PIK3R6: variants seen among roughly 807,000 people sequenced by gnomAD.
PIK3R6 encodes the protein phosphoinositide 3-kinase regulatory subunit 6.
In PIK3R6, 91 loss-of-function variants were observed where a neutral mutation model predicts 84.9. The observed-to-expected ratio is 1.07, with a 90% CI of 0.90 to 1.28. PIK3R6 has a LOEUF of 1.28. PIK3R6 is among the 50% of genes most tolerant of loss of function. PIK3R6 has a pLI of 0.00. For synonymous variants in PIK3R6, 416 were observed against 411.4 expected, an observed-to-expected ratio of 1.01 and a Z score of -0.13; for missense variants, 996 against 985.1, an observed-to-expected ratio of 1.01 and a Z score of -0.15.
rs535464289 is a variant in PIK3R6 at position 8,827,161 on chromosome 17, C to G, written c.1515+11G>C. 1.2e-6 allele frequency: 2 copies of G among 1,612,170 alleles called. No homozygotes were observed. Among genetic ancestry groups the G allele is most frequent in the South Asian group, 2.2e-5 (2 of 90,564 alleles). ...CCTCTCTCCCTCCCTGGTACCCTCA[C>G]CCTCCCCTACCATCTCAGCCAGCTT... On this transcript the variant is annotated intron_variant, in intron 13 of 19. Transcript: ENST00000619866.
intron 18 of PIK3R6, among the ~76,000 whole-genome samples, chr17:8,811,196 C>A (rs2087348720): frequency 6.7e-6 from 1 of 148,652 alleles, no homozygotes; most frequent in Non-Finnish European, 1.5e-5. Flanking sequence ...AGCCATGGCC[C>A]GAGCTCTACA....
At chr17:8,849,679 G>A in intron 2 of PIK3R6, 103 bp downstream of exon 2, 2 of 1,323,176 alleles carry the variant, frequency 1.5e-6, no homozygotes, top group Non-Finnish European at 2.0e-6. Flanking sequence ...GCCTGTCTAT[G>A]TGCAGGGGGT....
chr17:8,804,272 T>G, intron 18 of PIK3R6, 119 bp from the exon 19 acceptor site: 2 of 782,296 alleles, frequency 2.6e-6, no homozygotes, highest in Non-Finnish European at 4.3e-6. Flanking sequence ...TCCCCAGCTC[T>G]CCTCCTGCAA....
Position 8,832,927 on chromosome 17 carries a change from T to A in PIK3R6, c.764A>T (p.Tyr255Phe), listed in dbSNP as rs1206123191. The change falls in exon 9 of 20, where the codon TAC becomes TTC. Residue 255 changes from tyrosine (Y) to phenylalanine (F), a missense_variant. Coordinates refer to ENST00000619866, the MANE Select transcript of PIK3R6 (RefSeq NM_001010855.4). ...EGHVERLEEI[Y>F]CSLLGPAAGR... Reference sequence around the variant, plus strand: ...CGCCGCGGGACCCAGCAGCGAGCAGTAAATCTCCTCCAGCCTCTCTACGTG... The same window carrying A: ...CGCCGCGGGACCCAGCAGCGAGCAGAAAATCTCCTCCAGCCTCTCTACGTG... 6.2e-7 allele frequency: 1 copy of A among 1,612,734 alleles called. No individual in the cohort carries two copies. The highest frequency in any genetic ancestry group is 1.7e-5 in the Admixed American group (1 of 59,998).
chr17:8,816,540 T>C (rs1244470069), intron 18 of PIK3R6, among the ~76,000 whole-genome samples: 1 of 152,100 alleles, frequency 6.6e-6, no homozygotes, highest in East Asian at 1.9e-4. Context: ...TAAAAAAGCA[T>C]CAAAAGACAA....
In PIK3R6 at chr17:8,823,058, G is replaced by C; in HGVS notation, c.1655C>G (p.Pro552Arg). 1 of 1,609,656 alleles carries C rather than the reference G, an allele frequency of 6.2e-7. No homozygotes were observed. The highest frequency in any genetic ancestry group is 8.5e-7 in the Non-Finnish European group (1 of 1,175,996). ...KIFFSDLSQD[P>R]TEDIFLIELK... ...TTCAATGAGGAAAATGTCCTCAGTA[G>C]GGTCTTGGCTCAGGTCACTGAAAAA... Residue 552 changes from proline to arginine, a missense_variant, in exon 15 of 20, where the codon CCT becomes CGT. By Grantham distance (103) the Pro-to-Arg change is moderately radical. Transcript: ENST00000619866.
In PIK3R6 at chr17:8,828,875, C is replaced by T. The variant is rs780024490; in HGVS notation, c.1005G>A (p.Val335=). Reference sequence around the variant, plus strand: ...GCTCAATGCCGCTGTCAGTGGACAGCACAGAAACCCGGGCCAACTCCCGGT... The same window carrying T: ...GCTCAATGCCGCTGTCAGTGGACAGTACAGAAACCCGGGCCAACTCCCGGT... ...RPDRELARVS[V]LSTDSGIERD... The change falls in exon 11 of 20, where the codon GTG becomes GTA. Residue 335 remains valine, a synonymous_variant. Transcript: ENST00000619866. 6.3e-7 allele frequency: 1 copy of T among 1,583,984 alleles called. No homozygotes were observed. The highest frequency in any genetic ancestry group is 1.1e-5 in the South Asian group (1 of 87,380).
chr17:8,819,126 G>T lies in PIK3R6; in HGVS notation c.1952C>A (p.Thr651Lys). ...CAAGTTGGAGGACTTGACAACCTCTGTCACGTTGACATTCAGACATGTGTG... is the reference window on the plus strand; with the variant it reads ...CAAGTTGGAGGACTTGACAACCTCTTTCACGTTGACATTCAGACATGTGTG... ...TDHTCLNVNV[T>K]EVVKSSNLAG... Residue 651 changes from threonine to lysine, a missense_variant, in exon 18 of 20, where the codon ACA (threonine) becomes AAA (lysine). Physicochemically the swap from Thr to Lys is moderately conservative, Grantham distance 78 (BLOSUM62 -1). Coordinates refer to ENST00000619866, the MANE Select transcript of PIK3R6 (RefSeq NM_001010855.4). 6.2e-7 allele frequency: 1 copy of T among 1,609,740 alleles called. No homozygotes were observed. The highest frequency in any genetic ancestry group is 8.5e-7 in the Non-Finnish European group (1 of 1,178,204).
At chr17:8,831,435 G>A (rs1436689323) in intron 9 of PIK3R6, among the ~76,000 whole-genome samples, 1 of 150,512 alleles carries the variant, frequency 6.6e-6, no homozygotes, top group Non-Finnish European at 1.5e-5. Flanking sequence ...ATTAATCCAT[G>A]CAGAGTCACT....
chr17:8,839,794 A>C lies in PIK3R6; in HGVS notation c.14-97T>G. Reference sequence around the variant, plus strand: ...GAGAGTGTCTTTAGCCATTTCTCTGAGCCTCAGGAGGTGCCCGAAGTAATC... The same window carrying C: ...GAGAGTGTCTTTAGCCATTTCTCTGCGCCTCAGGAGGTGCCCGAAGTAATC... On this transcript the variant is annotated intron_variant, in intron 2 of 19. Coordinates refer to ENST00000619866, the MANE Select transcript of PIK3R6 (RefSeq NM_001010855.4). This position sits in a 1 kb window ranked among gnomAD's most constrained non-coding sequence, Gnocchi z 4.2. The C allele has an allele frequency of 9.1e-7, 1 of 1,094,530 alleles. No individual in the cohort carries two copies. The highest frequency in any genetic ancestry group is 1.6e-5 in the South Asian group (1 of 62,590). The allele number at this position is 1,094,530 out of a possible 1,614,324, so 67.8% of individuals were successfully genotyped here. A position where few individuals can be genotyped will look rare whatever the true frequency, so the allele number is the denominator to read the frequency against.
At position 8,842,335 on chromosome 17, in the gene PIK3R6, C is replaced by T. The variant is rs1047583537; in HGVS notation, c.14-2638G>A. Among the ~76,000 whole-genome samples, 5 of 152,164 alleles carry T rather than the reference C, an allele frequency of 3.3e-5. No homozygotes were observed. The highest frequency in any genetic ancestry group is 7.2e-5 in the African/African-American group (3 of 41,426). ...GTATGGTAGTGGTTCTAAAGCAGGA[C>T]CTTCCCCAGGAGACGCTCAAGCTTC... On this transcript the variant is annotated intron_variant, in intron 2 of 19. Transcript: ENST00000619866. This position sits in a 1 kb window ranked among gnomAD's most constrained non-coding sequence, Gnocchi z 4.5.
intron 9 of PIK3R6, among the ~76,000 whole-genome samples, chr17:8,832,605 T>G (rs1217446056): frequency 6.7e-6 from 1 of 149,250 alleles, no homozygotes; most frequent in South Asian, 2.1e-4. Flanking sequence ...GGTTTCCCCA[T>G]GTTGCCTAGG....
intron 16 of PIK3R6, 32 bp downstream of exon 16, chr17:8,822,555 G>C (rs1490367949): frequency 1.2e-6 from 2 of 1,610,082 alleles, no homozygotes; most frequent in Non-Finnish European, 1.7e-6. Flanking sequence ...GTACCTCTTG[G>C]CTACCTACTG....
At chr17:8,833,576 C>G (rs1443802419) in intron 8 of PIK3R6, among the ~76,000 whole-genome samples, 2 of 145,918 alleles carry the variant, frequency 1.4e-5, no homozygotes, top group African/African-American at 5.1e-5. Flanking sequence ...GAGTCTTGCT[C>G]TGTCACCCAG....
At chr17:8,860,928 C>T (rs571142432) in intron 1 of PIK3R6, among the ~76,000 whole-genome samples, 12 of 200 alleles carry the variant, frequency 0.06, no homozygotes, top group African/African-American at 0.083. Flanking sequence ...GGGCCGGGCA[C>T]GGTCACGCCT....
At chr17:8,849,526 A>C (rs1362117858) in intron 2 of PIK3R6, among the ~76,000 whole-genome samples, 1 of 152,252 alleles carries the variant, frequency 6.6e-6, no homozygotes, top group East Asian at 1.9e-4. Context: ...AGTATTTGGC[A>C]ATCAATCTTG....
intron 1 of PIK3R6, among the ~76,000 whole-genome samples, chr17:8,860,368 C>T (rs1395416170): frequency 6.6e-6 from 1 of 152,140 alleles, no homozygotes; most frequent in Non-Finnish European, 1.5e-5. Flanking sequence ...TCCAGGCTGC[C>T]CGTTTCTTAA....
intron 4 of PIK3R6, 75 bp from the exon 5 acceptor site, chr17:8,837,946 T>TGGGAGTGGGC (rs1241986627): frequency 2.6e-5 from 35 of 1,345,430 alleles, no homozygotes; most frequent in Admixed American, 5.1e-5. Context: ...CAGTCTAGGC[T>TGGGAGTGGGC]GGGAGTGGGC....
chr17:8,859,713 C>T (rs774296399), intron 1 of PIK3R6, among the ~76,000 whole-genome samples: 1 of 152,154 alleles, frequency 6.6e-6, no homozygotes, highest in African/African-American at 2.4e-5. Context: ...ACAAAATCAG[C>T]GCTCTTGGTT....
Sources: allele counts gnomAD v4.1 joint callset (sites outside exome capture counted in the v4.1 genomes callset), GRCh38; gene constraint gnomAD v4.1.1; non-coding constraint Gnocchi (gnomAD v3.1); transcripts MANE v1.5; gene names NCBI Gene and HGNC (gene_info 2026-07-23, HGNC 2026-07-21).